Variants in CHM observed in about 807,000 individuals in gnomAD.
CHM encodes the protein rab proteins geranylgeranyltransferase component A 1.
Under a neutral mutation model 49.0 loss-of-function variants are expected in CHM, and 10 were observed. The observed-to-expected ratio is 0.20, with a 90% CI of 0.13 to 0.35. The LOEUF (loss-of-function observed/expected upper bound fraction) is 0.35, where lower values mean the gene tolerates loss of function less well. Ranked by LOEUF, CHM falls within the 10% of genes least tolerant of loss-of-function variation. The pLI is 1.00. For missense variants in CHM, 455 were observed against 478.4 expected (o/e 0.95, Z 0.46); for synonymous variants, 184 against 167.5 (o/e 1.10, Z -0.76).
chrX:86,004,586 G>C (rs1227358024), intron 2 of CHM, among the ~76,000 whole-genome samples: 1 of 111,029 alleles, frequency 9.0e-6, no homozygotes, highest in African/African-American at 3.3e-5. Flanking sequence ...TAAATGGAAA[G>C]CATAAAAAAA....
intron 2 of CHM, among the ~76,000 whole-genome samples, chrX:85,999,839 C>T (rs1379935890): frequency 8.9e-6 from 1 of 111,868 alleles, no homozygotes; most frequent in African/African-American, 3.2e-5. Context: ...TAAAATATGT[C>T]TGCAGAAATT....
intron 8 of CHM, among the ~76,000 whole-genome samples, chrX:85,922,002 G>A (rs1023107047): frequency 2.7e-5 from 3 of 111,767 alleles, no homozygotes; most frequent in African/African-American, 9.8e-5. Flanking sequence ...ACACACATGT[G>A]CATTTACACA....
chrX:86,035,868 A>G (rs1031956838), intron 1 of CHM, among the ~76,000 whole-genome samples: 11 of 95,183 alleles, frequency 1.2e-4, no homozygotes, highest in African/African-American at 4.5e-4. Flanking sequence ...ATCTCGGCTC[A>G]CTGCAACCTC....
chrX:85,874,199 A>G (rs758177506), intron 13 of CHM, among the ~76,000 whole-genome samples: 1 of 111,969 alleles, frequency 8.9e-6, no homozygotes, highest in African/African-American at 3.2e-5. Context: ...CAATGCATAA[A>G]GCCTATTTCT....
At chrX:85,959,661 A>T (rs1251459813) in intron 5 of CHM, among the ~76,000 whole-genome samples, 1 of 111,857 alleles carries the variant, frequency 8.9e-6, no homozygotes, top group African/African-American at 3.2e-5. Context: ...AATTGATTTA[A>T]TCTTTCAACA....
At chrX:86,026,197 G>A (rs1933819644) in intron 2 of CHM, among the ~76,000 whole-genome samples, 1 of 84,248 alleles carries the variant, frequency 1.2e-5, no homozygotes, top group Non-Finnish European at 2.1e-5. Flanking sequence ...TCGGCTTACT[G>A]CAACCTCCAC....
chrX:85,957,643 A>C (rs181283083), intron 7 of CHM, among the ~76,000 whole-genome samples: 31 of 111,155 alleles, frequency 2.8e-4, no homozygotes, highest in African/African-American at 9.8e-4. Context: ...AATACAGCTA[A>C]TAAGACTGAG....
intron 13 of CHM, among the ~76,000 whole-genome samples, chrX:85,875,342 A>T (rs943372014): frequency 8.9e-6 from 1 of 112,034 alleles, no homozygotes; most frequent in African/African-American, 3.2e-5. Flanking sequence ...GTGCATCACA[A>T]GTTGCCAGGG....
At chrX:86,040,109 T>C (rs1168491468) in intron 1 of CHM, among the ~76,000 whole-genome samples, 1 of 112,125 alleles carries the variant, frequency 8.9e-6, no homozygotes, top group Non-Finnish European at 1.9e-5. Flanking sequence ...AGGCAGCCGA[T>C]TAACACAAAA....
chrX:85,916,903 A>G (rs1383355783), intron 8 of CHM, among the ~76,000 whole-genome samples: 1 of 112,489 alleles, frequency 8.9e-6, no homozygotes, highest in Non-Finnish European at 1.9e-5. Flanking sequence ...AAGGACCTAA[A>G]GACAGAAATA....
chrX:85,981,415 G>A (rs1194165706), intron 3 of CHM, among the ~76,000 whole-genome samples: 1 of 108,013 alleles, frequency 9.3e-6, no homozygotes, highest in African/African-American at 3.4e-5. Context: ...TGTATTTTTA[G>A]TAGAAATGGG....
intron 2 of CHM, among the ~76,000 whole-genome samples, chrX:86,006,169 AT>A (rs1204116582): frequency 8.9e-6 from 1 of 111,863 alleles, no homozygotes; most frequent in Non-Finnish European, 1.9e-5. Context: ...AAACCACATG[AT>A]TATCTCAAGA....
intron 2 of CHM, among the ~76,000 whole-genome samples, chrX:86,004,053 C>T (rs979555833): frequency 8.9e-6 from 1 of 112,431 alleles, no homozygotes. Context: ...ATCAGACTAA[C>T]AGCGGATCTC....
Position 85,863,636 on chromosome X carries a change from T to C in CHM, c.*994A>G, listed in dbSNP as rs1403196744. The stretch of plus-strand genomic sequence containing the variant: ...CACTGTGATCTATTTTGTTTGGAAG[T>C]TGACTGACAGCAAGCAATTATTTCC... On this transcript the variant is annotated 3_prime_UTR_variant, in exon 15 of 15. Coordinates refer to ENST00000357749, the MANE Select transcript of CHM (RefSeq NM_000390.4). 1 of 112,282 alleles carries C rather than the reference T, an allele frequency of 8.9e-6. No individual in the cohort carries two copies. The highest frequency in any genetic ancestry group is 1.9e-5 in the Non-Finnish European group (1 of 53,299). The allele number at this position is 112,282 out of a possible 1,213,427, so 9.3% of individuals were successfully genotyped here.
intron 1 of CHM, among the ~76,000 whole-genome samples, chrX:86,041,936 G>A (rs1473909326): frequency 9.1e-6 from 1 of 109,334 alleles, no homozygotes; most frequent in Admixed American, 9.9e-5. Context: ...GGAGGACTAT[G>A]GACATCCTGT....
chrX:85,977,971 C>T (rs1436337972), intron 4 of CHM, among the ~76,000 whole-genome samples: 1 of 111,861 alleles, frequency 8.9e-6, no homozygotes, highest in African/African-American at 3.3e-5. Context: ...GATGACAAAG[C>T]GTATCCTGAA....
intron 8 of CHM, among the ~76,000 whole-genome samples, chrX:85,913,675 A>C (rs1927268642): frequency 9.0e-6 from 1 of 111,411 alleles, no homozygotes; most frequent in African/African-American, 3.3e-5. Flanking sequence ...TAAGCTACTA[A>C]GTTTGTTATG....
chrX:85,911,607 T>C (rs1282425433), intron 8 of CHM, among the ~76,000 whole-genome samples: 1 of 108,782 alleles, frequency 9.2e-6, no homozygotes, highest in Non-Finnish European at 1.9e-5. Flanking sequence ...GAGCCAATTA[T>C]CCCCCGAAAA....
chrX:85,936,319 T>C (rs946955289), intron 8 of CHM, among the ~76,000 whole-genome samples: 3 of 112,296 alleles, frequency 2.7e-5, no homozygotes, highest in African/African-American at 9.7e-5. Flanking sequence ...CGCAAAGTCA[T>C]GCAACTTTTA....
Sources: allele counts gnomAD v4.1 joint callset (sites outside exome capture counted in the v4.1 genomes callset), GRCh38; gene constraint gnomAD v4.1.1; transcripts MANE v1.5; gene names NCBI Gene and HGNC (gene_info 2026-07-23, HGNC 2026-07-21).